Variants in RCC1L observed in about 807,000 individuals in gnomAD.
The protein encoded by RCC1L is RCC1-like G exchanging factor-like protein.
A neutral mutation model predicts 58.6 loss-of-function variants in RCC1L; 46 were observed. The observed-to-expected ratio is 0.79, with a 90% CI of 0.62 to 1.00. RCC1L has a LOEUF of 1.00. Among genes scored for constraint, RCC1L ranks in the 50% least tolerant of loss-of-function variants. The probability of loss-of-function intolerance (pLI) is 0.00; values close to 1 mark genes in which losing one functional copy is unlikely to be tolerated. For synonymous variants in RCC1L, 281 were observed against 262.9 expected, an observed-to-expected ratio of 1.07 and a Z score of -0.67; for missense variants, 636 against 623.6, an observed-to-expected ratio of 1.02 and a Z score of -0.21.
chr7:75,058,228 C>G (rs1474054864), intron 7 of RCC1L: 4 of 322,006 alleles, frequency 1.2e-5, no homozygotes, highest in Admixed American at 9.4e-5. Flanking sequence ...TGAGCCACCA[C>G]GCCCAGCCTA....
chr7:75,070,225 G>A (rs137953252), intron 2 of RCC1L, among the ~76,000 whole-genome samples: 110 of 152,280 alleles, frequency 7.2e-4, no homozygotes, highest in Non-Finnish European at 1.2e-3. Context: ...ATCCCTTTAA[G>A]TCTTCCTCTA....
At chr7:75,056,923 G>T (rs1806099114) in intron 8 of RCC1L, among the ~76,000 whole-genome samples, 1 of 152,080 alleles carries the variant, frequency 6.6e-6, no homozygotes, top group Non-Finnish European at 1.5e-5. Flanking sequence ...GGACCTTTCT[G>T]CCTCAGCCTT....
intron 10 of RCC1L, 123 bp from the exon 11 acceptor site, chr7:75,043,232 G>T: frequency 9.1e-7 from 1 of 1,097,322 alleles, no homozygotes; most frequent in Non-Finnish European, 1.4e-6. Flanking sequence ...GCTTGTCTCA[G>T]CAGGAGACAG....
intron 4 of RCC1L, 84 bp downstream of exon 4, chr7:75,064,498 C>A (rs1034558910): frequency 1.3e-6 from 2 of 1,518,238 alleles, no homozygotes; most frequent in Middle Eastern, 3.4e-4. Flanking sequence ...TCTGACCGCC[C>A]CGCGGGTTTA....
At chr7:75,034,517 AAAAAC>A (rs1190666472) in intron 10 of RCC1L, among the ~76,000 whole-genome samples, 4 of 152,196 alleles carry the variant, frequency 2.6e-5, no homozygotes, top group African/African-American at 7.2e-5. Flanking sequence ...CTCCATCTCC[AAAAAC>A]AAAACAAAAC....
chr7:75,051,355 C>CACACATATATATACACACACAT lies in RCC1L; in HGVS notation c.1317+1355_1317+1356insATGTGTGTGTATATATATGTGT, dbSNP rs1805908855. Among the ~76,000 whole-genome samples, 2 of 149,492 alleles carry CACACATATATATACACACACAT rather than the reference C, an allele frequency of 1.3e-5. 1 individual carries two copies. The highest frequency in any genetic ancestry group is 4.9e-5 in the African/African-American group (2 of 40,422). On this transcript the variant is annotated intron_variant, in intron 10 of 10. Coordinates refer to ENST00000610322, the MANE Select transcript of RCC1L (RefSeq NM_030798.5). ...ACACACACATATATATACACACACA[C>CACACATATATATACACACACAT]ATATATATACACACATATATATATA...
chr7:75,061,275 TCCTGACCACAGGCGAC>T lies in RCC1L; in HGVS notation c.703_718del (p.Val235IlefsTer6). 2 of 1,613,640 alleles carry T rather than the reference TCCTGACCACAGGCGAC, an allele frequency of 1.2e-6. No individual in the cohort carries two copies. Among genetic ancestry groups the T allele is most frequent in the Non-Finnish European group, 1.7e-6 (2 of 1,179,760 alleles). On this transcript the variant is annotated frameshift_variant and splice_region_variant, in exon 6 of 11. Transcript: ENST00000610322. LOFTEE classifies it high-confidence loss of function. ...TTTATCCGTCAGGAACAGACTATGA[TCCTGACCACAGGCGAC>T]CTAGCAGACAAACAGAGGTAAGGGG...
intron 10 of RCC1L, among the ~76,000 whole-genome samples, chr7:75,049,668 CAA>C (rs1243232492): frequency 8.5e-5 from 11 of 128,656 alleles, no homozygotes; most frequent in African/African-American, 1.9e-4. Flanking sequence ...ACCCTGTTTT[CAA>C]AAAAAAAAAA....
At chr7:75,056,772 A>C (rs1554444000) in intron 8 of RCC1L, 2 of 1,490,762 alleles carry the variant, frequency 1.3e-6, no homozygotes, top group Admixed American at 3.9e-5. Flanking sequence ...AACTTCATTC[A>C]CACCCTGTAA....
In RCC1L at chr7:75,066,661, C is replaced by G. The variant is rs183830486; in HGVS notation, c.583+3G>C. ...TCCATCACCCTTCAATAGGTCAACT[C>G]ACCTCCTTCCCTGTCAGTCAACACA... On this transcript the variant is annotated splice_donor_region_variant and intron_variant, in intron 3 of 10. Transcript: ENST00000610322. 2.6e-5 allele frequency: 42 copies of G among 1,611,362 alleles called. 1 individual carries two copies. The Admixed American group carries it at 6.8e-4, about 26-fold the overall frequency.
At chr7:75,072,297 A>T (rs934401332) in intron 1 of RCC1L, among the ~76,000 whole-genome samples, 2 of 148,564 alleles carry the variant, frequency 1.3e-5, no homozygotes, top group African/African-American at 4.9e-5. Context: ...AAAGTGCTGA[A>T]ATTACAGGCA....
intron 10 of RCC1L, among the ~76,000 whole-genome samples, chr7:75,043,708 G>A (rs1205410693): frequency 2.0e-5 from 3 of 152,126 alleles, no homozygotes; most frequent in Non-Finnish European, 2.9e-5. Flanking sequence ...CCAGCTACTC[G>A]GGAGGCTGAG....
chr7:75,034,571 T>C (rs1268632321), intron 10 of RCC1L, among the ~76,000 whole-genome samples: 2 of 152,162 alleles, frequency 1.3e-5, no homozygotes, highest in Non-Finnish European at 2.9e-5. Context: ...GGCAACTGAA[T>C]GTGGAGGTCT....
intron 10 of RCC1L, among the ~76,000 whole-genome samples, chr7:75,043,610 T>A (rs1246272411): frequency 1.3e-5 from 2 of 152,156 alleles, no homozygotes; most frequent in African/African-American, 4.8e-5. Flanking sequence ...ACGCCCATAA[T>A]CTCAGCACTT....
Position 75,042,894 on chromosome 7 carries a change from C to T in RCC1L, c.*138G>A. On this transcript the variant is annotated 3_prime_UTR_variant, in exon 11 of 11. Transcript: ENST00000610322. ...CCTGGTAGGTACCCGCTAAGGGATT[C>T]AGGACAGAGCGTCACACTGCACGCA... 1.3e-6 allele frequency: 2 copies of T among 1,512,822 alleles called. No homozygotes were observed. The highest frequency in any genetic ancestry group is 2.6e-5 in the South Asian group (2 of 77,746). The allele number at this position is 1,512,822 out of a possible 1,614,324, so 93.7% of individuals were successfully genotyped here.
At chr7:75,031,457 A>C (rs1191357105) in intron 10 of RCC1L, among the ~76,000 whole-genome samples, 1 of 151,890 alleles carries the variant, frequency 6.6e-6, no homozygotes, top group Non-Finnish European at 1.5e-5. Flanking sequence ...AAAAAAAATT[A>C]CCTAATGTTC....
At chr7:75,057,860 AT>A in intron 7 of RCC1L, 1 of 538,494 alleles carries the variant, frequency 1.9e-6, no homozygotes, top group South Asian at 2.0e-5. Flanking sequence ...CAAAATTAAC[AT>A]AAAATGACAT....
At chr7:75,063,204 A>C in intron 5 of RCC1L, 88 bp downstream of exon 5, 1 of 1,360,630 alleles carries the variant, frequency 7.3e-7, no homozygotes, top group Non-Finnish European at 1.1e-6. Flanking sequence ...AAATCCCCCT[A>C]ACAAATTTGC....
rs905931640 is a variant in RCC1L, at chr7:75,057,536, C to T, written c.1050G>A (p.Val350=). 2 of 1,613,958 alleles carry T rather than the reference C, an allele frequency of 1.2e-6. No individual in the cohort carries two copies. The highest frequency in any genetic ancestry group is 1.7e-6 in the Non-Finnish European group (2 of 1,179,862). Residue 350 remains valine (V), a synonymous_variant, in exon 8 of 11, where the codon GTG becomes GTA. Transcript: ENST00000610322. ...QAACGGTGCA[V]LNGEGHVFVW... ...CCGGAAAGAAGGTCTCACCGTTTAA[C>T]ACTGCACAGCCCGTGCCACCGCATG...
Sources: gnomAD v4.1 joint callset for allele counts (sites outside exome capture counted in the v4.1 genomes callset) on GRCh38, gnomAD v4.1.1 for gene constraint, MANE v1.5 for transcripts, NCBI Gene and HGNC (gene_info 2026-07-23, HGNC 2026-07-21) for gene names.